ULK4: variants seen among roughly 807,000 people sequenced by gnomAD.
The protein encoded by ULK4 is unc-51 like kinase 4.
Under a neutral mutation model 160.6 loss-of-function variants are expected in ULK4, and 133 were observed. That is an observed-to-expected ratio of 0.83 (90% confidence interval 0.72 to 0.96). ULK4 has a LOEUF of 0.96. ULK4 is among the 40% of genes least tolerant of loss of function. The pLI is 0.00. For synonymous variants in ULK4, 534 were observed against 539.8 expected (o/e 0.99, Z 0.15); for missense variants, 1,580 against 1,499.5 (o/e 1.05, Z -0.89).
chr3:41,762,947 G>C (rs976073443), intron 21 of ULK4, among the ~76,000 whole-genome samples: 5 of 152,230 alleles, frequency 3.3e-5, no homozygotes, highest in African/African-American at 1.2e-4. Flanking sequence ...ACAGGCGTGA[G>C]CCACTGTGCC....
At chr3:41,519,598 T>C (rs1028361073) in intron 32 of ULK4, among the ~76,000 whole-genome samples, 1 of 152,120 alleles carries the variant, frequency 6.6e-6, no homozygotes, top group Admixed American at 6.5e-5. Context: ...CATGAACATG[T>C]AGGAAAAACA....
chr3:41,381,592 C>T (rs2125795268), intron 35 of ULK4, among the ~76,000 whole-genome samples: 1 of 152,328 alleles, frequency 6.6e-6, no homozygotes, highest in Admixed American at 6.5e-5. Context: ...TCCAACTAAT[C>T]TGTCAGGAAA....
At chr3:41,511,020 G>A (rs966304196) in intron 32 of ULK4, among the ~76,000 whole-genome samples, 18 of 152,004 alleles carry the variant, frequency 1.2e-4, no homozygotes, top group African/African-American at 4.1e-4. Context: ...AAAATTAGCT[G>A]GGCGTGGTGG....
At chr3:41,791,599 T>C (rs1016614417) in intron 20 of ULK4, among the ~76,000 whole-genome samples, 5 of 152,214 alleles carry the variant, frequency 3.3e-5, no homozygotes, top group Admixed American at 2.0e-4. Flanking sequence ...ATCTTCCACG[T>C]TTATACCATT....
chr3:41,794,660 C>CAAAAAAAAAAAAAAAAAAA (rs71075484), intron 20 of ULK4, among the ~76,000 whole-genome samples: 30 of 18,986 alleles, frequency 1.6e-3, no homozygotes, highest in South Asian at 5.3e-3. Flanking sequence ...GACTCTGTCT[C>CAAAAAAAAAAAAAAAAAAA]AAAAAAAAAA....
At chr3:41,491,701 T>A (rs11707492) in intron 32 of ULK4, among the ~76,000 whole-genome samples, 1,127 of 5,228 alleles carry the variant, frequency 0.22, 12 homozygotes, top group Middle Eastern at 0.38. Flanking sequence ...ATTTTTATAT[T>A]TTTTTTTATT....
At chr3:41,750,019 A>G (rs966161845) in intron 22 of ULK4, among the ~76,000 whole-genome samples, 2 of 152,204 alleles carry the variant, frequency 1.3e-5, no homozygotes, top group African/African-American at 4.8e-5. Context: ...AGACTGCAAG[A>G]ACATGAATTC....
intron 30 of ULK4, among the ~76,000 whole-genome samples, chr3:41,639,118 A>G (rs1421309056): frequency 6.6e-6 from 1 of 152,212 alleles, no homozygotes; most frequent in Non-Finnish European, 1.5e-5. Context: ...TTGTGTAGCT[A>G]TTATTTCCAT....
intron 35 of ULK4, among the ~76,000 whole-genome samples, chr3:41,250,589 G>A (rs762469437): frequency 4.6e-5 from 7 of 152,206 alleles, no homozygotes; most frequent in Admixed American, 1.3e-4. Flanking sequence ...CACAGCAACC[G>A]AGGCTGGATT....
intron 35 of ULK4, among the ~76,000 whole-genome samples, chr3:41,302,389 A>T (rs1194506391): frequency 6.6e-6 from 1 of 152,174 alleles, no homozygotes; most frequent in Non-Finnish European, 1.5e-5. Context: ...GGCTTTTCGT[A>T]TGTCTGGAAA....
intron 32 of ULK4, among the ~76,000 whole-genome samples, chr3:41,493,613 C>A (rs966298555): frequency 2.2e-5 from 3 of 136,610 alleles, no homozygotes; most frequent in African/African-American, 8.3e-5. Flanking sequence ...ACACAAAAAA[C>A]CCTTCAAAAA....
intron 18 of ULK4, among the ~76,000 whole-genome samples, chr3:41,824,649 G>C (rs1361165137): frequency 1.3e-5 from 2 of 152,170 alleles, no homozygotes; most frequent in African/African-American, 4.8e-5. Flanking sequence ...GGCTTGAGTA[G>C]GTAAACAAAG....
At chr3:41,399,936 C>T (rs1001447856) in intron 34 of ULK4, among the ~76,000 whole-genome samples, 1 of 152,128 alleles carries the variant, frequency 6.6e-6, no homozygotes, top group African/African-American at 2.4e-5. Flanking sequence ...AGCTTTATAG[C>T]TTTAGCTTTT....
At chr3:41,900,612 G>A (rs1458235668) in intron 13 of ULK4, 113 bp downstream of exon 13, 1 of 878,812 alleles carries the variant, frequency 1.1e-6, no homozygotes, top group Non-Finnish European at 1.7e-6. Flanking sequence ...CACAGAAGCA[G>A]ACAAGAGAAA....
intron 19 of ULK4, among the ~76,000 whole-genome samples, chr3:41,808,126 C>T (rs1339773198): frequency 3.3e-5 from 5 of 152,026 alleles, no homozygotes; most frequent in South Asian, 4.1e-4. Context: ...AACCTATTTG[C>T]CCACAGAGAT....
At chr3:41,562,158 T>C (rs1016204875) in intron 32 of ULK4, among the ~76,000 whole-genome samples, 15 of 152,364 alleles carry the variant, frequency 9.8e-5, no homozygotes, top group Admixed American at 3.9e-4. Flanking sequence ...TGTTTCCATG[T>C]AGTCGTGCAG....
At chr3:41,497,284 C>G (rs2643968) in intron 32 of ULK4, among the ~76,000 whole-genome samples, 125,393 of 151,574 alleles carry the variant, frequency 0.83, 53,404 homozygotes, top group Non-Finnish European at 0.94. Context: ...AAAAAAAGGT[C>G]AGTAAACCTG....
At chr3:41,474,820 T>A (rs1343540774) in intron 32 of ULK4, among the ~76,000 whole-genome samples, 3 of 66,270 alleles carry the variant, frequency 4.5e-5, no homozygotes, top group Non-Finnish European at 8.2e-5. Flanking sequence ...ATGATTATTA[T>A]TAAAAAAAAA....
chr3:41,640,248 G>C (rs1303996400), intron 30 of ULK4, among the ~76,000 whole-genome samples: 1 of 152,150 alleles, frequency 6.6e-6, no homozygotes, highest in Non-Finnish European at 1.5e-5. Context: ...CAAAACTGTA[G>C]AAACTCCTTA....
Sources: allele counts gnomAD v4.1 joint callset (sites outside exome capture counted in the v4.1 genomes callset), GRCh38; gene constraint gnomAD v4.1.1; transcripts MANE v1.5; gene names NCBI Gene and HGNC (gene_info 2026-07-23, HGNC 2026-07-21).